The following HDAC9 variants were observed in gnomAD, a reference collection of about 807,000 sequenced individuals.
HDAC9 encodes the protein histone deacetylase 9.
A neutral mutation model predicts 139.4 loss-of-function variants in HDAC9; 41 were observed. That is an observed-to-expected ratio of 0.29 (90% CI 0.23 to 0.38). The LOEUF is 0.38. Among genes scored for constraint, HDAC9 ranks in the 10% least tolerant of loss-of-function variants. The pLI, the probability that HDAC9 is intolerant of heterozygous loss-of-function variation, is 1.00. For missense variants in HDAC9, 1,147 were observed against 1,297.0 expected, an observed-to-expected ratio of 0.88 and a Z score of 1.78; for synonymous variants, 517 against 476.2, an observed-to-expected ratio of 1.09 and a Z score of -1.12.
intron 1 of HDAC9, among the ~76,000 whole-genome samples, chr7:18,094,502 C>A (rs754928959): frequency 2.7e-5 from 4 of 150,178 alleles, no homozygotes; most frequent in African/African-American, 4.9e-5. Flanking sequence ...GTGATCACAG[C>A]TCAGTATAAC....
intron 2 of HDAC9, among the ~76,000 whole-genome samples, chr7:18,573,502 C>T (rs916353507): frequency 2.6e-5 from 4 of 152,222 alleles, no homozygotes; most frequent in South Asian, 2.1e-4. Context: ...TGCTAGTGCC[C>T]GTTTCTTTCC....
At chr7:18,582,641 C>G (rs1410742909) in intron 2 of HDAC9, among the ~76,000 whole-genome samples, 9 of 152,072 alleles carry the variant, frequency 5.9e-5, no homozygotes, top group Non-Finnish European at 1.0e-4. Flanking sequence ...ATGGATGCGA[C>G]ATATTTTGCT....
intron 1 of HDAC9, among the ~76,000 whole-genome samples, chr7:18,101,766 G>A (rs756203176): frequency 2.6e-5 from 4 of 152,090 alleles, no homozygotes; most frequent in Non-Finnish European, 5.9e-5. Context: ...AAGGCAAGCT[G>A]GTCATAAAAT....
At chr7:18,119,509 G>C (rs143243134) in intron 1 of HDAC9, among the ~76,000 whole-genome samples, 12 of 152,178 alleles carry the variant, frequency 7.9e-5, no homozygotes, top group African/African-American at 2.9e-4. Context: ...TTTGTCTCCT[G>C]TCTTCTAAAC....
At chr7:18,108,398 AT>A (rs905064502) in intron 1 of HDAC9, among the ~76,000 whole-genome samples, 30 of 152,248 alleles carry the variant, frequency 2.0e-4, no homozygotes, top group African/African-American at 7.2e-4. Context: ...TTTCTCAAGC[AT>A]TTACTCAGTC....
intron 1 of HDAC9, among the ~76,000 whole-genome samples, chr7:18,420,387 T>G (rs1243102769): frequency 6.6e-6 from 1 of 152,194 alleles, no homozygotes; most frequent in Non-Finnish European, 1.5e-5. Context: ...TCTGTAATAG[T>G]AAAATCTTAG....
At chr7:18,288,876 AT>A (rs1296393668), upstream of HDAC9, among the ~76,000 whole-genome samples, 6 of 152,182 alleles carry the variant, frequency 3.9e-5, no homozygotes, top group Non-Finnish European at 7.4e-5. Flanking sequence ...GTTTGAATGG[AT>A]GAGGAAGGCC....
At chr7:18,138,720 T>G (rs926036578) in intron 1 of HDAC9, among the ~76,000 whole-genome samples, 2 of 152,036 alleles carry the variant, frequency 1.3e-5, no homozygotes, top group African/African-American at 4.8e-5. Context: ...TCATTAAGAA[T>G]CTAGGTTGGC....
intron 1 of HDAC9, among the ~76,000 whole-genome samples, chr7:18,144,503 C>G (rs1365389556): frequency 6.6e-6 from 1 of 152,170 alleles, no homozygotes; most frequent in Non-Finnish European, 1.5e-5. Context: ...TTCAGTCTCC[C>G]TTTCTCTCTT....
intron 24 of HDAC9, among the ~76,000 whole-genome samples, chr7:18,965,196 T>C (rs548225513): frequency 1.6e-4 from 25 of 152,352 alleles, no homozygotes; most frequent in African/African-American, 6.0e-4. Context: ...AAAACTGGAA[T>C]ATCCATGTTT....
chr7:18,654,815 C>T (rs940865755), intron 11 of HDAC9, among the ~76,000 whole-genome samples: 3 of 152,150 alleles, frequency 2.0e-5, no homozygotes, highest in African/African-American at 4.8e-5. Flanking sequence ...CAACTTCACA[C>T]ACATTGACCT....
At chr7:18,677,934 C>G (rs1781627870) in intron 12 of HDAC9, among the ~76,000 whole-genome samples, 1 of 151,788 alleles carries the variant, frequency 6.6e-6, no homozygotes, top group Admixed American at 6.6e-5. Flanking sequence ...CTGCTTTCTT[C>G]CTCCAGTTTA....
chr7:18,183,315 T>G (rs1289639211), intron 2 of HDAC9, among the ~76,000 whole-genome samples: 2 of 152,214 alleles, frequency 1.3e-5, no homozygotes, highest in East Asian at 3.9e-4. Flanking sequence ...AGCCATGGTT[T>G]GTTTTTTTAA....
intron 12 of HDAC9, among the ~76,000 whole-genome samples, chr7:18,673,352 G>A (rs1199393531): frequency 6.6e-6 from 1 of 152,006 alleles, no homozygotes; most frequent in African/African-American, 2.4e-5. Flanking sequence ...AATTTCTGGA[G>A]AAAGAACCCT....
At chr7:18,797,969 G>GATAT (rs147765289) in intron 17 of HDAC9, among the ~76,000 whole-genome samples, 54 of 148,438 alleles carry the variant, frequency 3.6e-4, no homozygotes, top group African/African-American at 1.1e-3. Flanking sequence ...TCCATGTGGA[G>GATAT]ATATATATAT....
chr7:18,198,553 A>G lies in HDAC9; in HGVS notation c.25+36204A>G, dbSNP rs74467586. Among the ~76,000 whole-genome samples the G allele has an allele frequency of 4.2e-3, 636 of 152,260 alleles. 6 individuals are homozygous for G. The highest frequency in any genetic ancestry group is 0.015 in the African/African-American group (616 of 41,574). ...AGATATGTTAACATCATACAATCTC[A>G]CAATATCCATTTTTAATTTATGCAA... On this transcript the variant is annotated intron_variant, in intron 2 of 12. Coordinates refer to the HDAC9 transcript ENST00000417496.
At position 18,762,246 on chromosome 7, in the gene HDAC9, C is replaced by T. The variant is rs764822105; in HGVS notation, c.2133C>T (p.Asp711=). ...HSLLYGTNPL[D]GQKLDPRILL... Reference sequence around the variant, plus strand: ...TGTTGTATGGCACCAACCCCCTGGACGGACAGAAGCTGGACCCCAGGATAC... The same window carrying T: ...TGTTGTATGGCACCAACCCCCTGGATGGACAGAAGCTGGACCCCAGGATAC... The change falls in exon 15 of 26, where the codon GAC becomes GAT. Residue 711 remains aspartate, a synonymous_variant. Coordinates refer to ENST00000686413, the MANE Select transcript of HDAC9 (RefSeq NM_178425.4). The T allele has an allele frequency of 5.3e-5, 85 of 1,613,458 alleles. 1 individual carries two copies. Among genetic ancestry groups the T allele is most frequent in the South Asian group, 3.6e-4 (33 of 91,070 alleles).
intron 17 of HDAC9, among the ~76,000 whole-genome samples, chr7:18,801,626 T>C (rs1215592726): frequency 1.3e-5 from 2 of 152,076 alleles, no homozygotes; most frequent in African/African-American, 4.8e-5. Context: ...ATTTCTCTAC[T>C]TTAGAGTAAT....
At chr7:18,590,517 T>A in intron 4 of HDAC9, 31 bp downstream of exon 4, 5 of 1,566,942 alleles carry the variant, frequency 3.2e-6, no homozygotes, top group Non-Finnish European at 3.5e-6. Context: ...CGATGGACTC[T>A]CTTTCCTCAT....
Sources: gnomAD v4.1 joint callset for allele counts (sites outside exome capture counted in the v4.1 genomes callset) on GRCh38, gnomAD v4.1.1 for gene constraint, MANE v1.5 for transcripts, NCBI Gene and HGNC (gene_info 2026-07-23, HGNC 2026-07-21) for gene names.